The following MIB1 variants were observed in gnomAD, a reference collection of about 807,000 sequenced individuals.
The protein encoded by MIB1 is E3 ubiquitin-protein ligase MIB1.
Under a neutral mutation model 124.5 loss-of-function variants are expected in MIB1, and 278 were observed. The ratio of observed to expected loss-of-function variants is 2.23; its 90% CI spans 2.02 to 2.47. The LOEUF is 2.47. Ranked by LOEUF, MIB1 falls within the 30% of genes most tolerant of loss-of-function variation. The pLI, the probability that MIB1 is intolerant of heterozygous loss-of-function variation, is 0.00. For missense variants in MIB1, 957 were observed against 1,254.4 expected, an observed-to-expected ratio of 0.76 and a Z score of 3.58; for synonymous variants, 446 against 429.4, an observed-to-expected ratio of 1.04 and a Z score of -0.48.
intron 12 of MIB1, among the ~76,000 whole-genome samples, chr18:21,834,318 G>C (rs377357766): frequency 6.6e-6 from 1 of 151,862 alleles, no homozygotes; most frequent in Non-Finnish European, 1.5e-5. Flanking sequence ...TTTTTTTTGA[G>C]GGGGTTGGCA....
chr18:21,757,614 T>A (rs1223349056), intron 1 of MIB1, among the ~76,000 whole-genome samples: 6 of 150,442 alleles, frequency 4.0e-5, no homozygotes, highest in African/African-American at 1.5e-4. Flanking sequence ...CCTCCAAAGT[T>A]GCTGGAATTA....
chr18:21,834,043 C>G (rs1209718154), intron 12 of MIB1, among the ~76,000 whole-genome samples: 1 of 152,174 alleles, frequency 6.6e-6, no homozygotes, highest in Non-Finnish European at 1.5e-5. Flanking sequence ...CCCAGTAACT[C>G]TACGGACCTC....
At chr18:21,861,664 AAAC>A (rs1250081808) in intron 20 of MIB1, among the ~76,000 whole-genome samples, 1 of 144,084 alleles carries the variant, frequency 6.9e-6, no homozygotes, top group African/African-American at 2.5e-5. Context: ...AAAAAAAAAC[AAAC>A]AACAACCAGA....
At chr18:21,746,521 T>C (rs2959533) in intron 1 of MIB1, among the ~76,000 whole-genome samples, 1,885 of 152,276 alleles carry the variant, frequency 0.012, 49 homozygotes, top group African/African-American at 0.043. Flanking sequence ...ATTTAATTAG[T>C]TTGGACTAAT....
chr18:21,732,922 GA>G (rs964192829), intron 1 of MIB1, among the ~76,000 whole-genome samples: 20 of 152,154 alleles, frequency 1.3e-4, no homozygotes, highest in African/African-American at 4.3e-4. Flanking sequence ...GTAATAAGCA[GA>G]TGTTATTGTT....
Position 21,705,485 on chromosome 18 carries a change from G to A in MIB1, n.167+362G>A, listed in dbSNP as rs143805906. 1.7e-4 allele frequency among the ~76,000 whole-genome samples: 26 copies of A among 152,310 alleles called. No homozygotes were observed. The East Asian group carries it at 4.1e-3, about 24-fold the overall frequency. ...GTACAGACAAGAAACCATTTATGAA[G>A]TAGGGTCTCCTAGGCTTATTTATGG... On this transcript the variant is annotated intron_variant and non_coding_transcript_variant, in intron 1 of 20. Coordinates refer to the MIB1 transcript ENST00000578646.
At chr18:21,806,769 G>A (rs1299473016) in intron 10 of MIB1, among the ~76,000 whole-genome samples, 3 of 151,816 alleles carry the variant, frequency 2.0e-5, no homozygotes, top group South Asian at 2.1e-4. Context: ...GACTACAGGC[G>A]CACGCCGCCA....
chr18:21,759,390 G>A (rs112465032), intron 1 of MIB1, among the ~76,000 whole-genome samples: 2,416 of 151,786 alleles, frequency 0.016, 38 homozygotes, highest in East Asian at 0.069. Context: ...CTACAGGTGC[G>A]CACCACTGGG....
intron 1 of MIB1, among the ~76,000 whole-genome samples, chr18:21,724,712 CAAAAAAA>C (rs1193584277): frequency 2.9e-4 from 6 of 20,752 alleles, no homozygotes; most frequent in African/African-American, 1.7e-3. Context: ...CTCCCCCATC[CAAAAAAA>C]AAAAAAAAAT....
At chr18:21,721,378 G>A (rs971873082) in intron 1 of MIB1, among the ~76,000 whole-genome samples, 9 of 151,338 alleles carry the variant, frequency 5.9e-5, no homozygotes, top group African/African-American at 1.5e-4. Flanking sequence ...ACAGGGTTTC[G>A]CCATGTTGGA....
At chr18:21,739,738 C>A (rs561568045), upstream of MIB1, among the ~76,000 whole-genome samples, 7 of 151,838 alleles carry the variant, frequency 4.6e-5, no homozygotes, top group Admixed American at 4.6e-4. Flanking sequence ...ACTGCCCCCC[C>A]GCTCATCTCT....
intron 13 of MIB1, among the ~76,000 whole-genome samples, chr18:21,842,116 A>AAAAAAAAG (rs1555695873): frequency 4.1e-5 from 5 of 121,196 alleles, no homozygotes; most frequent in East Asian, 2.6e-4. Context: ...AAAAAAAAAA[A>AAAAAAAAG]AAGAAGAAAA....
rs1458866999 is a variant in MIB1 at position 21,796,087 on chromosome 18, CAT to C, written c.1093-1994_1093-1993del. On this transcript the variant is annotated intron_variant, in intron 7 of 20. Transcript: ENST00000261537. Reference sequence around the variant, plus strand: ...TGTCTTCTTTTGAGAAGTGTATGTTCATATCTTTTGCCCACTTTTTGATGGGG... The same window carrying C: ...TGTCTTCTTTTGAGAAGTGTATGTTCATCTTTTGCCCACTTTTTGATGGGG... Among the ~76,000 whole-genome samples the C allele has an allele frequency of 2.0e-5, 3 of 151,936 alleles. No homozygotes were observed. In the East Asian group the frequency reaches 5.8e-4, roughly 29 times the overall value.
chr18:21,799,976 T>A lies in MIB1; in HGVS notation c.1371+2T>A, dbSNP rs759000592. The A allele has an allele frequency of 6.2e-7, 1 of 1,608,074 alleles. No homozygotes were observed. The highest frequency in any genetic ancestry group is 8.5e-7 in the Non-Finnish European group (1 of 1,176,424). ...TTGCTTAAAAGACCAGATGTGGATG[T>A]GAGCATTTTAAAAATTATTTTGAAG... On this transcript the variant is annotated splice_donor_variant, in intron 9 of 20. Coordinates refer to ENST00000261537, the MANE Select transcript of MIB1 (RefSeq NM_020774.4). LOFTEE classifies it high-confidence loss of function.
intron 12 of MIB1, among the ~76,000 whole-genome samples, chr18:21,831,782 G>T (rs1236301513): frequency 6.6e-6 from 1 of 152,016 alleles, no homozygotes; most frequent in Non-Finnish European, 1.5e-5. Flanking sequence ...ATACTTAGAA[G>T]CACTGCAGAG....
At chr18:21,829,330 T>C (rs1163933957) in intron 12 of MIB1, 1 of 283,940 alleles carries the variant, frequency 3.5e-6, no homozygotes, top group African/African-American at 2.3e-5. Context: ...TTGATTCTTT[T>C]TGCAAGAGAT....
rs765158226 is a variant in MIB1, at chr18:21,791,476, T to A, written c.1011T>A (p.Asp337Glu). The change falls in exon 7 of 21, where the codon GAT becomes GAA. Residue 337 changes from aspartate (D) to glutamate (E), a missense_variant. Physicochemically the swap from Asp to Glu is conservative, Grantham distance 45 (BLOSUM62 2). Coordinates refer to ENST00000261537, the MANE Select transcript of MIB1 (RefSeq NM_020774.4). The part of the protein sequence containing the change: ...EGGTSQFQVG[D>E]LVQVCYDLER... ...GCACCTCGCAGTTTCAAGTGGGTGA[T>A]CTTGTACAAGTTTGTTATGACCTGG... 31 of 1,614,106 alleles carry A rather than the reference T, an allele frequency of 1.9e-5. No homozygotes were observed. Among genetic ancestry groups the A allele is most frequent in the Non-Finnish European group, 2.6e-5 (31 of 1,179,978 alleles).
chr18:21,768,197 T>A (rs914146618), intron 2 of MIB1, among the ~76,000 whole-genome samples: 1 of 152,232 alleles, frequency 6.6e-6, no homozygotes, highest in East Asian at 1.9e-4. Context: ...AAGAGTATAG[T>A]GATACCCAGA....
intron 12 of MIB1, among the ~76,000 whole-genome samples, chr18:21,832,115 C>A (rs900826724): frequency 6.6e-6 from 1 of 152,068 alleles, no homozygotes; most frequent in Non-Finnish European, 1.5e-5. Context: ...TAAATGAAAT[C>A]TTAGAAGTGC....
Sources: allele counts gnomAD v4.1 joint callset (sites outside exome capture counted in the v4.1 genomes callset), GRCh38; gene constraint gnomAD v4.1.1; transcripts MANE v1.5; gene names NCBI Gene and HGNC (gene_info 2026-07-23, HGNC 2026-07-21).